SMC1B: variants seen among roughly 807,000 people sequenced by gnomAD.
SMC1B encodes structural maintenance of chromosomes protein 1B.
SMC1B carries 60 observed loss-of-function variants against 157.9 expected under a neutral mutation model. The observed-to-expected ratio is 0.38, with a 90% CI of 0.31 to 0.47. The LOEUF (loss-of-function observed/expected upper bound fraction) is 0.47. Among genes scored for constraint, SMC1B ranks in the 20% least tolerant of loss-of-function variants. The pLI is 0.99. For synonymous variants in SMC1B, 445 were observed against 483.0 expected, an observed-to-expected ratio of 0.92 and a Z score of 1.03; for missense variants, 1,165 against 1,426.2, an observed-to-expected ratio of 0.82 and a Z score of 2.95.
intron 12 of SMC1B, among the ~76,000 whole-genome samples, chr22:45,374,102 T>G (rs1451301379): frequency 1.3e-5 from 2 of 148,334 alleles, no homozygotes; most frequent in African/African-American, 2.5e-5. Context: ...TTTTTTTTTT[T>G]TTTTTTTTTT....
rs1057113502 is a variant in SMC1B, at chr22:45,394,547, C to T, written c.1337+138G>A. 4.9e-6 allele frequency: 5 copies of T among 1,011,346 alleles called. No individual in the cohort carries two copies. The African/African-American group carries it at 6.8e-5, about 14-fold the overall frequency. The allele number at this position is 1,011,346 out of a possible 1,614,324, so 62.6% of individuals were successfully genotyped here. On this transcript the variant is annotated intron_variant, in intron 8 of 24. Coordinates refer to ENST00000357450, the MANE Select transcript of SMC1B (RefSeq NM_148674.5). ...TCTCAGCTACAGGCTGAGGTAGGAG[C>T]GTCATGTGAGCCCCGGAAGTTGAGG...
intron 1 of SMC1B, among the ~76,000 whole-genome samples, chr22:45,409,381 C>T (rs192578988): frequency 2.8e-4 from 42 of 152,008 alleles, no homozygotes; most frequent in African/African-American, 9.4e-4. Flanking sequence ...CTGGCCAACA[C>T]GGTGAAGCCC....
chr22:45,349,585 C>G, intron 23 of SMC1B, 143 bp downstream of exon 23: 1 of 503,622 alleles, frequency 2.0e-6, no homozygotes, highest in Non-Finnish European at 3.6e-6. Flanking sequence ...CTGCCTGCCT[C>G]GGCCTCCCAT....
At chr22:45,355,662 A>G (rs2086662510) in intron 19 of SMC1B, among the ~76,000 whole-genome samples, 1 of 152,158 alleles carries the variant, frequency 6.6e-6, no homozygotes, top group South Asian at 2.1e-4. Flanking sequence ...GGGCAGGGAG[A>G]GGGGATCCAA....
At chr22:45,392,403 CT>C (rs889961231) in intron 9 of SMC1B, among the ~76,000 whole-genome samples, 2,028 of 141,994 alleles carry the variant, frequency 0.014, 26 homozygotes, top group African/African-American at 0.034. Context: ...TACTTCAATA[CT>C]TTTTTTTTTT....
At chr22:45,413,365 C>T in intron 1 of SMC1B, 94 bp downstream of exon 1, 1 of 985,990 alleles carries the variant, frequency 1.0e-6, no homozygotes, top group Non-Finnish European at 1.5e-6. Flanking sequence ...CGGCCAGGCG[C>T]CCGCGGCAGA....
At chr22:45,358,508 TG>T (rs2086690430) in intron 19 of SMC1B, among the ~76,000 whole-genome samples, 188 bp downstream of exon 19, 1 of 152,216 alleles carries the variant, frequency 6.6e-6, no homozygotes, top group Admixed American at 6.5e-5. Flanking sequence ...TTGCTTGGTG[TG>T]GCAGAGACCC....
At chr22:45,367,505 C>T (rs2146788354) in intron 15 of SMC1B, among the ~76,000 whole-genome samples, 1 of 152,314 alleles carries the variant, frequency 6.6e-6, no homozygotes, top group African/African-American at 2.4e-5. Context: ...CTGTGTGATG[C>T]TGCTGAACAG....
chr22:45,388,698 C>T (rs1053684753), intron 10 of SMC1B, among the ~76,000 whole-genome samples: 1 of 152,036 alleles, frequency 6.6e-6, no homozygotes, highest in East Asian at 1.9e-4. Context: ...AAGAATAGGA[C>T]AGGCGTGATG....
rs139191549 is a variant in SMC1B, at chr22:45,357,867, G to A, written c.2961+830C>T. On this transcript the variant is annotated intron_variant, in intron 19 of 24. Transcript: ENST00000357450. The stretch of plus-strand genomic sequence containing the variant: ...CTTTTATTATTCATGATAAGCCCCC[G>A]TCAATCATACCTAATGAGCTGACTG... 3.5e-3 allele frequency among the ~76,000 whole-genome samples: 534 copies of A among 152,226 alleles called. 5 individuals carry two copies. The highest frequency in any genetic ancestry group is 0.012 in the African/African-American group (497 of 41,542).
At position 45,408,848 on chromosome 22, in the gene SMC1B, C is replaced by G; in HGVS notation, c.160G>C (p.Ala54Pro). ...ALSFVMGEKI[A>P]NLRVKNIQEL... ...TGAATATTTTTCACTCTTAAATTAG[C>G]TATTTTCTCTCCCATTACAAAACTA... is the stretch of plus-strand genomic sequence containing the variant. The change falls in exon 2 of 25, where the codon GCT becomes CCT. Residue 54 changes from alanine to proline, a missense_variant. Transcript: ENST00000357450. 3.8e-6 allele frequency: 6 copies of G among 1,564,154 alleles called. No individual in the cohort carries two copies. Among genetic ancestry groups the G allele is most frequent in the Non-Finnish European group, 5.2e-6 (6 of 1,160,978 alleles).
rs564467216 is a variant in SMC1B, at chr22:45,356,134, G to A, written c.2962-1019C>T. Among the ~76,000 whole-genome samples, 12 of 147,498 alleles carry A rather than the reference G, an allele frequency of 8.1e-5. No homozygotes were observed. The South Asian group carries it at 1.5e-3, about 19-fold the overall frequency. On this transcript the variant is annotated intron_variant, in intron 19 of 24. Transcript: ENST00000357450. ...AGCATATAAACTGAAAAGATGTGGT[G>A]GATATTGCTACTCAGCATCTGTTCT...
intron 12 of SMC1B, among the ~76,000 whole-genome samples, chr22:45,377,615 C>T (rs977825737): frequency 1.4e-5 from 2 of 148,138 alleles, no homozygotes; most frequent in Admixed American, 1.3e-4. Flanking sequence ...CTAGCCTGGG[C>T]AACAGAGTGA....
At chr22:45,409,439 C>G (rs1434083076) in intron 1 of SMC1B, among the ~76,000 whole-genome samples, 1 of 152,002 alleles carries the variant, frequency 6.6e-6, no homozygotes, top group African/African-American at 2.4e-5. Context: ...GTGGCACGCA[C>G]CTGTAGTCCC....
chr22:45,408,934 T>G, intron 1 of SMC1B, 36 bp from the exon 2 acceptor site: 1 of 1,340,562 alleles, frequency 7.5e-7, no homozygotes. Flanking sequence ...TATTCATTCT[T>G]AATGATAAAA....
In SMC1B at chr22:45,396,502, T is replaced by C. The variant is rs1424650799; in HGVS notation, c.1114-16A>G. 8.2e-6 allele frequency: 13 copies of C among 1,594,774 alleles called. No homozygotes were observed. Among genetic ancestry groups the C allele is most frequent in the Non-Finnish European group, 1.1e-5 (13 of 1,172,174 alleles). ...AACGATCCAGCTGCATAAACAGTAT[T>C]GAAAAATTGCTAATTCACCTTAAGA... On this transcript the variant is annotated splice_polypyrimidine_tract_variant and intron_variant, in intron 6 of 24. Transcript: ENST00000357450.
Position 45,358,032 on chromosome 22 carries a change from A to C in SMC1B, c.2961+665T>G, listed in dbSNP as rs58555418. 1.7e-3 allele frequency among the ~76,000 whole-genome samples: 263 copies of C among 152,302 alleles called. No individual in the cohort carries two copies. In the East Asian group the frequency reaches 0.024, roughly 14 times the overall value. ...ACCAATTGCCCATGATTTATCAATC[A>C]TGTATGTAATGAACCTCCCATAAGA... On this transcript the variant is annotated intron_variant, in intron 19 of 24. Transcript: ENST00000357450.
At chr22:45,402,085 G>A (rs1001323244) in intron 5 of SMC1B, among the ~76,000 whole-genome samples, 7 of 152,036 alleles carry the variant, frequency 4.6e-5, no homozygotes, top group South Asian at 4.2e-4. Flanking sequence ...GGGTTTCACC[G>A]TGTTAGCCAG....
At chr22:45,358,822 T>A (rs772469450) in intron 18 of SMC1B, 27 bp from the exon 19 acceptor site, 1 of 1,548,644 alleles carries the variant, frequency 6.5e-7, no homozygotes, top group South Asian at 1.1e-5. Flanking sequence ...CACATACATT[T>A]GTTGATTAAG....
Sources: allele counts gnomAD v4.1 joint callset (sites outside exome capture counted in the v4.1 genomes callset), GRCh38; gene constraint gnomAD v4.1.1; transcripts MANE v1.5; gene names NCBI Gene and HGNC (gene_info 2026-07-23, HGNC 2026-07-21).